CSMD3: variants seen among roughly 807,000 people sequenced by gnomAD.
The protein encoded by CSMD3 is CUB and Sushi multiple domains 3, also known as CUB and sushi domain-containing protein 3.
Under a neutral mutation model 435.2 loss-of-function variants are expected in CSMD3, and 177 were observed. The observed-to-expected ratio is 0.41, with a 90% CI of 0.36 to 0.46. The LOEUF is 0.46. Among genes scored for constraint, CSMD3 ranks in the 20% least tolerant of loss-of-function variants. The pLI is 0.34. For missense variants in CSMD3, 4,265 were observed against 4,504.6 expected (o/e 0.95, Z 1.52); for synonymous variants, 1,656 against 1,520.5 (o/e 1.09, Z -2.07).
intron 13 of CSMD3, among the ~76,000 whole-genome samples, chr8:112,780,679 G>A (rs568695444): frequency 1.2e-4 from 19 of 152,106 alleles, no homozygotes; most frequent in Middle Eastern, 3.4e-3. Context: ...CAACAATTGC[G>A]TGACTTTGCA....
At chr8:113,181,456 A>C (rs1441987198) in intron 3 of CSMD3, among the ~76,000 whole-genome samples, 1 of 152,074 alleles carries the variant, frequency 6.6e-6, no homozygotes, top group Admixed American at 6.6e-5. Context: ...CAAGGTAGAA[A>C]ATACTTTGCA....
At chr8:112,843,407 G>A (rs1223508096) in intron 11 of CSMD3, among the ~76,000 whole-genome samples, 1 of 151,742 alleles carries the variant, frequency 6.6e-6, no homozygotes, top group Non-Finnish European at 1.5e-5. Flanking sequence ...ATTGCCACCT[G>A]GGATAGGCAG....
At chr8:113,221,472 T>G (rs1189258375) in intron 3 of CSMD3, among the ~76,000 whole-genome samples, 3 of 151,364 alleles carry the variant, frequency 2.0e-5, no homozygotes, top group Non-Finnish European at 4.4e-5. Context: ...GGTTATTTTT[T>G]TCATGTTTTT....
intron 13 of CSMD3, among the ~76,000 whole-genome samples, chr8:112,779,815 T>C (rs185863649): frequency 4.6e-5 from 7 of 152,208 alleles, no homozygotes; most frequent in Admixed American, 3.3e-4. Flanking sequence ...AAAAATCACA[T>C]TGGGATTTTA....
chr8:112,427,417 G>C (rs987647494), intron 32 of CSMD3, among the ~76,000 whole-genome samples: 5 of 152,108 alleles, frequency 3.3e-5, no homozygotes, highest in Non-Finnish European at 7.4e-5. Flanking sequence ...TTTTCATAAG[G>C]GGTTTACTGC....
intron 24 of CSMD3, among the ~76,000 whole-genome samples, chr8:112,558,791 C>T (rs1419688352): frequency 1.3e-5 from 2 of 151,730 alleles, no homozygotes; most frequent in African/African-American, 4.8e-5. Flanking sequence ...AAAATTAAGA[C>T]AAAATATGTG....
intron 10 of CSMD3, 121 bp downstream of exon 10, chr8:112,921,506 T>C (rs2082742495): frequency 1.1e-6 from 1 of 878,840 alleles, no homozygotes; most frequent in Non-Finnish European, 1.9e-6. Context: ...AATAAATATA[T>C]GAGCACAATC....
chr8:112,873,137 A>G (rs1430926056), intron 10 of CSMD3, among the ~76,000 whole-genome samples: 1 of 152,042 alleles, frequency 6.6e-6, no homozygotes, highest in Non-Finnish European at 1.5e-5. Flanking sequence ...GTTTGTTTAG[A>G]TGAAGTTGGA....
intron 13 of CSMD3, among the ~76,000 whole-genome samples, chr8:112,778,184 T>C (rs554513455): frequency 6.6e-6 from 1 of 151,922 alleles, no homozygotes; most frequent in Non-Finnish European, 1.5e-5. Context: ...CTATGGTACA[T>C]TCGTTAAAAT....
chr8:113,427,743 T>C (rs1340759423), intron 1 of CSMD3, among the ~76,000 whole-genome samples: 2 of 151,678 alleles, frequency 1.3e-5, no homozygotes, highest in African/African-American at 4.8e-5. Flanking sequence ...TACAAATAAA[T>C]CTAATGCACA....
At chr8:112,296,272 G>T (rs1435960966) in intron 53 of CSMD3, among the ~76,000 whole-genome samples, 1 of 152,070 alleles carries the variant, frequency 6.6e-6, no homozygotes, top group Non-Finnish European at 1.5e-5. Flanking sequence ...GAAAATATAG[G>T]CTGGGCACGG....
intron 28 of CSMD3, among the ~76,000 whole-genome samples, chr8:112,510,768 G>T (rs1447801797): frequency 6.6e-6 from 1 of 151,882 alleles, no homozygotes; most frequent in Admixed American, 6.6e-5. Flanking sequence ...TTCCATTCAG[G>T]TGTCAGCACT....
intron 38 of CSMD3, among the ~76,000 whole-genome samples, chr8:112,358,937 AAG>A (rs1287010176): frequency 6.6e-5 from 10 of 152,234 alleles, no homozygotes; most frequent in Non-Finnish European, 8.8e-5. Flanking sequence ...TTTTTTAAAA[AAG>A]AGTTTATTTT....
intron 4 of CSMD3, 85 bp from the exon 5 acceptor site, chr8:113,099,048 T>C: frequency 1.2e-6 from 1 of 862,082 alleles, no homozygotes; most frequent in Non-Finnish European, 1.9e-6. Context: ...TCAATATGTT[T>C]GGATAAAAAT....
intron 5 of CSMD3, among the ~76,000 whole-genome samples, chr8:113,073,507 T>G (rs2089216139): frequency 6.6e-6 from 1 of 151,860 alleles, no homozygotes; most frequent in Non-Finnish European, 1.5e-5. Flanking sequence ...AACCTGGTCC[T>G]CTTCATAACA....
chr8:112,687,940 C>G (rs565387832), intron 14 of CSMD3, among the ~76,000 whole-genome samples: 1 of 152,220 alleles, frequency 6.6e-6, no homozygotes, highest in South Asian at 2.1e-4. Context: ...TGCCTGCATC[C>G]TGGAATAATT....
In CSMD3 at chr8:113,436,803, C is replaced by G. The variant is rs2130157041; in HGVS notation, c.52G>C (p.Glu18Gln). The G allele has an allele frequency of 6.2e-7, 1 of 1,614,174 alleles. No homozygotes were observed. The highest frequency in any genetic ancestry group is 2.2e-5 in the East Asian group (1 of 44,878). ...ESRAKESKPWEPGKRRCAKCG... is the reference protein window; with the variant it reads ...ESRAKESKPWQPGKRRCAKCG... ...TTAGCGCATCTTCGCTTGCCAGGCT[C>G]CCAGGGTTTGGATTCCTTTGCTCGG... is the stretch of plus-strand genomic sequence containing the variant. Residue 18 changes from glutamate to glutamine, a missense_variant, in exon 1 of 71, where the codon GAG becomes CAG. By Grantham distance (29) the Glu-to-Gln change is conservative (BLOSUM62 2). Around this residue, in one of 3 missense-constraint regions of CSMD3, gnomAD observed 731 missense variants for 755.4 expected, o/e 0.97. Coordinates refer to ENST00000297405, the MANE Select transcript of CSMD3 (RefSeq NM_198123.2).
At chr8:113,159,067 A>C (rs1258649685) in intron 4 of CSMD3, among the ~76,000 whole-genome samples, 16 of 151,972 alleles carry the variant, frequency 1.1e-4, no homozygotes, top group Non-Finnish European at 2.9e-5. Flanking sequence ...AATTCCAGAC[A>C]AAATAATCTG....
chr8:112,496,033 G>T (rs556298847), intron 30 of CSMD3, among the ~76,000 whole-genome samples: 1 of 151,926 alleles, frequency 6.6e-6, no homozygotes, highest in South Asian at 2.1e-4. Flanking sequence ...GTAGTGGTGC[G>T]ATCTCGGCTC....
Sources: allele counts gnomAD v4.1 joint callset (sites outside exome capture counted in the v4.1 genomes callset), GRCh38; gene constraint gnomAD v4.1.1; regional missense constraint gnomAD v4.1.1; transcripts MANE v1.5; gene names NCBI Gene and HGNC (gene_info 2026-07-23, HGNC 2026-07-21).